KCNAB1: variants seen among roughly 807,000 people sequenced by gnomAD.
KCNAB1 encodes the protein potassium voltage-gated channel subfamily A regulatory beta subunit 1.
A neutral mutation model predicts 64.6 loss-of-function variants in KCNAB1; 35 were observed. That is an observed-to-expected ratio of 0.54 (90% CI 0.41 to 0.72). The LOEUF is 0.72. Among genes scored for constraint, KCNAB1 ranks in the 30% least tolerant of loss-of-function variants. The pLI, the probability that KCNAB1 is intolerant of heterozygous loss-of-function variation, is 0.00. For missense variants in KCNAB1, 401 were observed against 512.9 expected, an observed-to-expected ratio of 0.78 and a Z score of 2.11; for synonymous variants, 177 against 183.8, an observed-to-expected ratio of 0.96 and a Z score of 0.30.
chr3:156,419,841 A>G (rs757967602), intron 1 of KCNAB1, among the ~76,000 whole-genome samples: 1 of 152,198 alleles, frequency 6.6e-6, no homozygotes, highest in Non-Finnish European at 1.5e-5. Flanking sequence ...TATCTCCATG[A>G]CTTTTTAAAA....
intron 1 of KCNAB1, among the ~76,000 whole-genome samples, chr3:156,264,148 T>C (rs925728652): frequency 1.3e-5 from 2 of 152,194 alleles, no homozygotes; most frequent in African/African-American, 2.4e-5. Flanking sequence ...AGTTCTATTT[T>C]TATAAAATGT....
At chr3:156,285,000 T>G (rs1168520250) in intron 1 of KCNAB1, among the ~76,000 whole-genome samples, 1 of 152,216 alleles carries the variant, frequency 6.6e-6, no homozygotes, top group African/African-American at 2.4e-5. Flanking sequence ...CGGGGAATAC[T>G]TTAACCAATT....
chr3:156,365,083 A>C (rs1368014852), intron 1 of KCNAB1, among the ~76,000 whole-genome samples: 1 of 152,150 alleles, frequency 6.6e-6, no homozygotes, highest in East Asian at 1.9e-4. Flanking sequence ...AGGAAAGAGG[A>C]AATTTAGTTT....
At chr3:156,395,519 TG>T (rs1472450007) in intron 1 of KCNAB1, among the ~76,000 whole-genome samples, 6 of 105,692 alleles carry the variant, frequency 5.7e-5, no homozygotes, top group East Asian at 3.2e-4. Context: ...CACTCCAGCC[TG>T]GGCGACAGAG....
chr3:156,313,879 C>T (rs1722100093), intron 1 of KCNAB1, among the ~76,000 whole-genome samples: 1 of 152,158 alleles, frequency 6.6e-6, no homozygotes. Context: ...TTTGAGTGAC[C>T]AGAGTGTGGC....
At chr3:156,253,280 A>G (rs1717932573) in intron 1 of KCNAB1, among the ~76,000 whole-genome samples, 1 of 152,192 alleles carries the variant, frequency 6.6e-6, no homozygotes, top group Non-Finnish European at 1.5e-5. Flanking sequence ...AAATGGAAGT[A>G]CTTCCTCTCA....
chr3:156,297,198 T>C lies in KCNAB1; in HGVS notation c.276-124418T>C, dbSNP rs146524678. On this transcript the variant is annotated intron_variant, in intron 1 of 13. Coordinates refer to ENST00000490337, the MANE Select transcript of KCNAB1 (RefSeq NM_172160.3). ...TGGGTAACCATTAATCTTCAAGTCA[T>C]CTCTGAAATTTTATTGTTTCAAGAA... Among the ~76,000 whole-genome samples the C allele has an allele frequency of 3.7e-3, 556 of 151,266 alleles. 5 individuals are homozygous for C. Among genetic ancestry groups the C allele is most frequent in the African/African-American group, 0.013 (532 of 41,458 alleles).
intron 1 of KCNAB1, among the ~76,000 whole-genome samples, chr3:156,398,523 G>T (rs147895686): frequency 3.3e-5 from 5 of 150,720 alleles, no homozygotes; most frequent in African/African-American, 1.2e-4. Flanking sequence ...ACCCCGGGGG[G>T]CGGAGCCTGC....
intron 1 of KCNAB1, among the ~76,000 whole-genome samples, chr3:156,298,024 A>T (rs1720913583): frequency 6.6e-6 from 1 of 152,226 alleles, no homozygotes; most frequent in South Asian, 2.1e-4. Context: ...ACTGACACCC[A>T]TGGGTATGGG....
intron 1 of KCNAB1, among the ~76,000 whole-genome samples, chr3:156,141,104 A>T (rs1714680238): frequency 6.6e-6 from 1 of 151,692 alleles, no homozygotes; most frequent in African/African-American, 2.4e-5. Flanking sequence ...CTGTTTATTC[A>T]TATGCAGGTA....
intron 1 of KCNAB1, among the ~76,000 whole-genome samples, chr3:156,188,973 C>G (rs1713384069): frequency 1.3e-5 from 2 of 152,114 alleles, no homozygotes; most frequent in African/African-American, 4.8e-5. Flanking sequence ...GCCGCTGCTG[C>G]TGGAGTTGGC....
At chr3:156,503,675 A>G in intron 8 of KCNAB1, among the ~76,000 whole-genome samples, 1 of 152,206 alleles carries the variant, frequency 6.6e-6, no homozygotes. Context: ...GGTGAAAGAT[A>G]AAGGTGGAGG....
chr3:156,173,524 G>A lies in KCNAB1; in HGVS notation c.275+52638G>A, dbSNP rs114711154. On this transcript the variant is annotated intron_variant, in intron 1 of 13. Transcript: ENST00000490337. ...GAAAGAAAATAGCATAGTTCATCTG[G>A]GTTTTACTTCCAGGTCTATCCAATT... Among the ~76,000 whole-genome samples, 1,026 of 152,230 alleles carry A rather than the reference G, an allele frequency of 6.7e-3. 18 individuals are homozygous for A. The highest frequency in any genetic ancestry group is 0.024 in the African/African-American group (1,011 of 41,548).
chr3:156,510,078 G>A (rs1424700480), intron 8 of KCNAB1, among the ~76,000 whole-genome samples: 1 of 152,160 alleles, frequency 6.6e-6, no homozygotes, highest in Non-Finnish European at 1.5e-5. Context: ...TGCTTTTGAT[G>A]TTGCAGCCTC....
chr3:156,410,665 C>T (rs1240684632), intron 1 of KCNAB1, among the ~76,000 whole-genome samples: 1 of 152,230 alleles, frequency 6.6e-6, no homozygotes, highest in Admixed American at 6.5e-5. Context: ...GGTAACTACA[C>T]ACCTGCTTTC....
chr3:156,304,911 C>T (rs1020295637), intron 1 of KCNAB1, among the ~76,000 whole-genome samples: 1 of 151,970 alleles, frequency 6.6e-6, no homozygotes, highest in Non-Finnish European at 1.5e-5. Flanking sequence ...AAGTATTTAT[C>T]CTACATGTTT....
chr3:156,188,670 T>C (rs1713362403), intron 1 of KCNAB1, among the ~76,000 whole-genome samples: 1 of 152,250 alleles, frequency 6.6e-6, no homozygotes, highest in Non-Finnish European at 1.5e-5. Flanking sequence ...TGTGGGACAG[T>C]ATGCTTCATC....
intron 1 of KCNAB1, among the ~76,000 whole-genome samples, chr3:156,294,107 A>G (rs2107973426): frequency 6.6e-6 from 1 of 152,306 alleles, no homozygotes; most frequent in East Asian, 1.9e-4. Flanking sequence ...AGGCCTTTGG[A>G]AGTCAGGAGA....
At chr3:156,393,601 A>G (rs1713207390) in intron 1 of KCNAB1, among the ~76,000 whole-genome samples, 1 of 152,170 alleles carries the variant, frequency 6.6e-6, no homozygotes, top group Non-Finnish European at 1.5e-5. Context: ...TCAACGTGAG[A>G]GTCCTGCTTC....
Sources: allele counts gnomAD v4.1 joint callset (sites outside exome capture counted in the v4.1 genomes callset), GRCh38; gene constraint gnomAD v4.1.1; transcripts MANE v1.5; gene names NCBI Gene and HGNC (gene_info 2026-07-23, HGNC 2026-07-21).